The following SEC31B variants were observed in gnomAD, a reference collection of about 807,000 sequenced individuals.
SEC31B encodes the protein SEC31 homolog B, COPII component.
SEC31B carries 113 observed loss-of-function variants against 135.0 expected under a neutral mutation model. That is an observed-to-expected ratio of 0.84 (90% CI 0.72 to 0.98). The LOEUF (loss-of-function observed/expected upper bound fraction) is 0.98, where lower values mean the gene tolerates loss of function less well. SEC31B is among the 50% of genes least tolerant of loss of function. The probability of loss-of-function intolerance (pLI) is 0.00; values close to 1 mark genes in which losing one functional copy is unlikely to be tolerated. For synonymous variants in SEC31B, 508 were observed against 549.4 expected (o/e 0.92, Z 1.05); for missense variants, 1,296 against 1,421.1 (o/e 0.91, Z 1.42).
At chr10:100,517,126 A>G (rs1293351445) in intron 1 of SEC31B, 129 bp from the exon 2 acceptor site, 2 of 596,798 alleles carry the variant, frequency 3.4e-6, no homozygotes, top group African/African-American at 3.7e-5. Flanking sequence ...ATACATGACC[A>G]TCTGCAGATC....
chr10:100,509,223 T>C (rs1199537767), intron 4 of SEC31B, 93 bp downstream of exon 4: 10 of 1,499,194 alleles, frequency 6.7e-6, no homozygotes, highest in Non-Finnish European at 8.3e-6. Flanking sequence ...TGGAAAGGGG[T>C]CAGAGTTACA....
intron 3 of SEC31B, 56 bp from the exon 4 acceptor site, chr10:100,509,567 A>G: frequency 7.2e-7 from 1 of 1,395,370 alleles, no homozygotes; most frequent in Non-Finnish European, 9.7e-7. Context: ...CAGTAAGCAC[A>G]GGATGGGCAT....
At chr10:100,507,394 C>A (rs758788480) in intron 7 of SEC31B, 31 bp downstream of exon 7, 32 of 1,614,004 alleles carry the variant, frequency 2.0e-5, no homozygotes, top group Non-Finnish European at 2.5e-5. Context: ...CACCATCCCC[C>A]CAAGGATATG....
chr10:100,512,879 A>G (rs561030491), intron 3 of SEC31B, among the ~76,000 whole-genome samples: 3 of 152,312 alleles, frequency 2.0e-5, no homozygotes, highest in African/African-American at 7.2e-5. Context: ...AAGTGAGGGA[A>G]CCTAAGATAA....
At chr10:100,513,409 A>C (rs2133697564) in intron 3 of SEC31B, among the ~76,000 whole-genome samples, 1 of 152,294 alleles carries the variant, frequency 6.6e-6, no homozygotes, top group South Asian at 2.1e-4. Context: ...TAAGACACTA[A>C]GACTAACTGT....
intron 10 of SEC31B, among the ~76,000 whole-genome samples, chr10:100,503,230 A>G (rs1407342324): frequency 6.6e-6 from 1 of 152,168 alleles, no homozygotes; most frequent in East Asian, 1.9e-4. Context: ...TATATAAAGC[A>G]TCTGGCACAA....
chr10:100,490,535 G>T, intron 20 of SEC31B, 171 bp downstream of exon 20: 1 of 851,352 alleles, frequency 1.2e-6, no homozygotes, highest in Non-Finnish European at 1.7e-6. Flanking sequence ...ACAACACTTT[G>T]GTATATTGCC....
At chr10:100,497,916 A>T in intron 15 of SEC31B, 113 bp downstream of exon 15, 1 of 1,581,626 alleles carries the variant, frequency 6.3e-7, no homozygotes, top group Non-Finnish European at 8.6e-7. Context: ...GGGTGGTTAG[A>T]GTAGAAAGAG....
rs774842539 is a variant in SEC31B at position 100,497,757 on chromosome 10, C to T, written c.1900G>A (p.Val634Met). 1.2e-6 allele frequency: 2 copies of T among 1,614,220 alleles called. No individual in the cohort carries two copies. The highest frequency in any genetic ancestry group is 1.7e-6 in the Non-Finnish European group (2 of 1,180,046). Residue 634 changes from valine to methionine, a missense_variant, in exon 16 of 26, where the codon GTG becomes ATG. Transcript: ENST00000370345. ...ACVVQKNWKD[V>M]VCTCSLKNWR... ...TTCTTCAGGCTACAGGTACACACCA[C>T]ATCCTTCCAATTCTTTTGCACAACA...
intron 16 of SEC31B, 170 bp downstream of exon 16, chr10:100,497,497 T>G (rs577552880): frequency 1.3e-6 from 2 of 1,485,480 alleles, no homozygotes; most frequent in Non-Finnish European, 8.9e-7. Context: ...CCTCTGAAAA[T>G]AGGGGCATGC....
chr10:100,511,280 G>C (rs148518564), intron 3 of SEC31B, among the ~76,000 whole-genome samples: 139 of 152,358 alleles, frequency 9.1e-4, no homozygotes, highest in Middle Eastern at 6.8e-3. Flanking sequence ...TTGTGATAGA[G>C]AGCAAACCTG....
Position 100,489,240 on chromosome 10 carries a change from T to C in SEC31B, c.3171+12A>G. The stretch of plus-strand genomic sequence containing the variant: ...GGTTTCCCAAGGGAGGGGAATACAT[T>C]GTCCTTGTCACCTGCAGGCTGAGTT... On this transcript the variant is annotated intron_variant, in intron 23 of 25. Transcript: ENST00000370345. 1 of 1,601,128 alleles carries C rather than the reference T, an allele frequency of 6.2e-7. No homozygotes were observed. The highest frequency in any genetic ancestry group is 1.1e-5 in the South Asian group (1 of 88,834).
rs1851471686 is a variant in SEC31B at position 100,499,265 on chromosome 10, G to C, written c.1486-7C>G. The C allele has an allele frequency of 4.4e-6, 7 of 1,607,000 alleles. No homozygotes were observed. Among genetic ancestry groups the C allele is most frequent in the South Asian group, 1.1e-5 (1 of 90,060 alleles). ...TCTTCAACCATGTGGCCACCTGCAG[G>C]GAGAGACCTCTGAAAACCGCTCTTT... is the stretch of plus-strand genomic sequence containing the variant. On this transcript the variant is annotated splice_polypyrimidine_tract_variant and splice_region_variant and intron_variant, in intron 12 of 25. Transcript: ENST00000370345.
At position 100,507,483 on chromosome 10, in the gene SEC31B, G is replaced by A; in HGVS notation, c.724C>T (p.Gln242Ter). The change falls in exon 7 of 26, where the codon CAG (glutamine) becomes TAG (stop). Residue 242 changes from glutamine (Q) to a stop codon, truncating the protein, a stop_gained. Coordinates refer to ENST00000370345, the MANE Select transcript of SEC31B (RefSeq NM_015490.4). LOFTEE classifies it high-confidence loss of function. The part of the protein sequence containing the change: ...CSEDDRLPVI[Q>*]LWDLRFASSP... ...GAGGCAAAGCGCAAGTCCCACAGCT[G>A]AATCACGGGAAGTCGATCATCCTCT... The A allele has an allele frequency of 6.2e-7, 1 of 1,614,252 alleles. No homozygotes were observed. The highest frequency in any genetic ancestry group is 8.5e-7 in the Non-Finnish European group (1 of 1,180,042).
At position 100,495,469 on chromosome 10, in the gene SEC31B, G is replaced by A; in HGVS notation, c.2388C>T (p.Phe796=). 3.1e-6 allele frequency: 5 copies of A among 1,613,926 alleles called. No individual in the cohort carries two copies. In the Admixed American group the frequency reaches 5.0e-5, roughly 16 times the overall value. The change falls in exon 19 of 26, where the codon TTC becomes TTT. Residue 796 remains phenylalanine (F), a synonymous_variant. Transcript: ENST00000370345. ...CTCCCACAACAATCCGGGGGAAGGG[G>A]AAAGGGGGAGACTGTTGGCCCAAGA... The part of the protein sequence containing the change: ...SAVLGQQSPP[F]PFPRIVVGAT...
intron 14 of SEC31B, 180 bp from the exon 15 acceptor site, chr10:100,498,387 A>C: frequency 1.5e-6 from 1 of 656,076 alleles, no homozygotes; most frequent in Non-Finnish European, 2.6e-6. Flanking sequence ...GTCTAAAGAC[A>C]GGGCCCAAGA....
chr10:100,515,409 CAG>C, intron 3 of SEC31B, among the ~76,000 whole-genome samples: 1 of 152,178 alleles, frequency 6.6e-6, no homozygotes, highest in East Asian at 1.9e-4. Flanking sequence ...ACCATTGCTT[CAG>C]ATTGTAAGCC....
rs905706966 is a variant in SEC31B, at chr10:100,497,701, T to C, written c.1956A>G (p.Thr652=). 78 of 1,614,094 alleles carry C rather than the reference T, an allele frequency of 4.8e-5. No individual in the cohort carries two copies. The highest frequency in any genetic ancestry group is 6.0e-5 in the Non-Finnish European group (71 of 1,180,036). ...NWREALALLL[T]YSGTEKFPEL... The stretch of plus-strand genomic sequence containing the variant: ...CGGGAAATTTCTCTGTGCCTGAGTA[T>C]GTCAGTAGCAAAGCCAGTGCCTCTC... Residue 652 remains threonine, a synonymous_variant, in exon 16 of 26, where the codon ACA becomes ACG. Coordinates refer to ENST00000370345, the MANE Select transcript of SEC31B (RefSeq NM_015490.4).
At chr10:100,493,926 A>C (rs1471929036) in intron 19 of SEC31B, among the ~76,000 whole-genome samples, 1 of 149,068 alleles carries the variant, frequency 6.7e-6, no homozygotes, top group Non-Finnish European at 1.5e-5. Flanking sequence ...ATCTATGGTT[A>C]TTTTTAAATG....
Sources: gnomAD v4.1 joint callset for allele counts (sites outside exome capture counted in the v4.1 genomes callset) on GRCh38, gnomAD v4.1.1 for gene constraint, MANE v1.5 for transcripts, NCBI Gene and HGNC (gene_info 2026-07-23, HGNC 2026-07-21) for gene names.